Variants in PTCHD4 observed in about 807,000 individuals in gnomAD.
PTCHD4 encodes the protein patched domain-containing protein 4.
PTCHD4 carries 33 observed loss-of-function variants against 58.1 expected under a neutral mutation model. The ratio of observed to expected loss-of-function variants is 0.57; its 90% confidence interval spans 0.43 to 0.76. PTCHD4 has a LOEUF of 0.76. PTCHD4 is among the 30% of genes least tolerant of loss of function. PTCHD4 has a pLI of 0.00. For missense variants in PTCHD4, 1,058 were observed against 1,027.1 expected, an observed-to-expected ratio of 1.03 and a Z score of -0.41; for synonymous variants, 478 against 409.6, an observed-to-expected ratio of 1.17 and a Z score of -2.02.
At position 47,878,527 on chromosome 6, in the gene PTCHD4, G is replaced by A. The variant is rs1315066263; in HGVS notation, c.2308C>T (p.Leu770Phe). ...GTCAGGTTCGAAGGCACAAATAGAA[G>A]GGGGACTAACCCAATAAGAAAAGAA... ...VTSFLIGLVP[L>F]LFVPSNLTFT... The change falls in exon 5 of 5, where the codon CTT (leucine) becomes TTT (phenylalanine). Residue 770 changes from leucine to phenylalanine, a missense_variant. Coordinates refer to ENST00000339488, the MANE Select transcript of PTCHD4 (RefSeq NM_001384253.1). 2 of 1,613,502 alleles carry A rather than the reference G, an allele frequency of 1.2e-6. No homozygotes were observed. The highest frequency in any genetic ancestry group is 1.1e-5 in the South Asian group (1 of 91,072).
intron 4 of PTCHD4, among the ~76,000 whole-genome samples, chr6:47,907,387 C>T (rs565170386): frequency 1.3e-4 from 20 of 152,244 alleles, no homozygotes; most frequent in African/African-American, 4.6e-4. Flanking sequence ...TCATTTCATT[C>T]TCTGTCTCCC....
chr6:48,006,828 C>T (rs994845977), intron 4 of PTCHD4, among the ~76,000 whole-genome samples: 16 of 152,298 alleles, frequency 1.1e-4, no homozygotes, highest in Admixed American at 5.2e-4. Context: ...CTGATATTTA[C>T]TTAGCATTTA....
intron 3 of PTCHD4, among the ~76,000 whole-genome samples, chr6:48,025,312 G>A (rs1443472600): frequency 2.0e-5 from 3 of 152,068 alleles, no homozygotes; most frequent in Non-Finnish European, 4.4e-5. Context: ...TACAATAAAA[G>A]GTACACAGAG....
rs528776718 is a variant in PTCHD4 at position 47,878,770 on chromosome 6, C to T, written c.2065G>A (p.Val689Ile). 27 of 1,613,492 alleles carry T rather than the reference C, an allele frequency of 1.7e-5. No homozygotes were observed. The highest frequency in any genetic ancestry group is 1.3e-4 in the East Asian group (6 of 44,836). Residue 689 changes from valine to isoleucine, a missense_variant, in exon 5 of 5, where the codon GTC becomes ATC. Transcript: ENST00000339488. ...PLGNFWLILS[V>I]TSIELGVLGL... is the part of the protein sequence containing the mutation. ...AGAACGCCCAGCTCAATTGAGGTGA[C>T]GCTAAGAATTAGCCAGAAGTTTCCC... is the stretch of plus-strand genomic sequence containing the variant.
chr6:47,948,467 C>T (rs906819890), intron 4 of PTCHD4, among the ~76,000 whole-genome samples: 11 of 152,106 alleles, frequency 7.2e-5, no homozygotes, highest in African/African-American at 2.4e-4. Context: ...ATCAGAAGTT[C>T]GGAATTGTGA....
chr6:48,097,429 T>C (rs1045666468), intron 1 of PTCHD4, among the ~76,000 whole-genome samples: 10 of 142,690 alleles, frequency 7.0e-5, no homozygotes, highest in Admixed American at 3.5e-4. Context: ...GTGTAGATCA[T>C]ACCACAGATA....
At chr6:47,935,973 G>A (rs1414529457) in intron 4 of PTCHD4, among the ~76,000 whole-genome samples, 1 of 152,168 alleles carries the variant, frequency 6.6e-6, no homozygotes, top group Non-Finnish European at 1.5e-5. Context: ...TTAAGCAGAC[G>A]AGAGAATGTC....
chr6:47,892,609 G>A (rs2114128735), intron 4 of PTCHD4, among the ~76,000 whole-genome samples: 2 of 152,280 alleles, frequency 1.3e-5, no homozygotes, highest in East Asian at 3.9e-4. Flanking sequence ...GCTGGAGAAT[G>A]TTTTTAAAAT....
chr6:47,894,201 G>GA (rs1764462270), intron 4 of PTCHD4, among the ~76,000 whole-genome samples: 2 of 152,176 alleles, frequency 1.3e-5, no homozygotes, highest in Admixed American at 6.5e-5. Flanking sequence ...CTTTCAAATG[G>GA]AAAAGGCCCT....
At chr6:48,076,659 A>G (rs2113889276) in intron 1 of PTCHD4, among the ~76,000 whole-genome samples, 1 of 152,358 alleles carries the variant, frequency 6.6e-6, no homozygotes, top group South Asian at 2.1e-4. Context: ...TCAATGTGAT[A>G]AAAGAAAAAC....
rs538641779 is a variant in PTCHD4, at chr6:47,906,346, C to A, written c.899-26410G>T. The stretch of plus-strand genomic sequence containing the variant: ...TCCTGCTGCTAGAGAGAGAGTCCAC[C>A]AAGCCTCAGTCTTTTCCTTGCCCTC... On this transcript the variant is annotated intron_variant, in intron 4 of 4. Coordinates refer to ENST00000339488, the MANE Select transcript of PTCHD4 (RefSeq NM_001384253.1). Among the ~76,000 whole-genome samples the A allele has an allele frequency of 1.1e-4, 17 of 152,308 alleles. No individual in the cohort carries two copies. The South Asian group carries it at 3.5e-3, about 32-fold the overall frequency.
intron 4 of PTCHD4, among the ~76,000 whole-genome samples, chr6:47,969,238 T>C (rs545795374): frequency 7.3e-4 from 111 of 152,320 alleles, no homozygotes; most frequent in African/African-American, 2.5e-3. Context: ...TAGGAGCCTG[T>C]TTTATTTTCA....
At chr6:47,966,542 A>AT (rs966374571) in intron 4 of PTCHD4, among the ~76,000 whole-genome samples, 18 of 152,264 alleles carry the variant, frequency 1.2e-4, no homozygotes, top group Admixed American at 9.8e-4. Context: ...TCCATGAAAG[A>AT]TTTTTTTGTA....
intron 4 of PTCHD4, among the ~76,000 whole-genome samples, chr6:47,916,171 A>T (rs898791428): frequency 2.6e-5 from 4 of 152,094 alleles, no homozygotes; most frequent in African/African-American, 9.7e-5. Flanking sequence ...GCTCAAGATA[A>T]GAGGATGCTG....
At position 47,871,613 on chromosome 6, in the gene PTCHD4, T is replaced by TTTGCC. The variant is rs1173371710; in HGVS notation, c.*6685_*6689dup. ...GCATATAGGAGTGCTCATTTTACAT[T>TTTGCC]TTGCCTTGTCTAATTTGATAAAGTG... On this transcript the variant is annotated 3_prime_UTR_variant, in exon 5 of 5. Transcript: ENST00000339488. 2.0e-5 allele frequency among the ~76,000 whole-genome samples: 3 copies of TTTGCC among 151,638 alleles called. No homozygotes were observed. The highest frequency in any genetic ancestry group is 4.4e-5 in the Non-Finnish European group (3 of 67,716).
At chr6:48,000,791 T>C (rs1376837456) in intron 4 of PTCHD4, among the ~76,000 whole-genome samples, 1 of 152,212 alleles carries the variant, frequency 6.6e-6, no homozygotes, top group African/African-American at 2.4e-5. Context: ...TCTAGTCCCT[T>C]TCCTACTCAG....
chr6:47,978,083 C>A (rs1767761021), intron 4 of PTCHD4, among the ~76,000 whole-genome samples: 1 of 151,818 alleles, frequency 6.6e-6, no homozygotes, highest in Non-Finnish European at 1.5e-5. Flanking sequence ...TTACTGCTTC[C>A]CTACTCCTCT....
intron 4 of PTCHD4, among the ~76,000 whole-genome samples, chr6:47,894,461 A>G (rs764711863): frequency 6.6e-5 from 10 of 152,218 alleles, no homozygotes; most frequent in Non-Finnish European, 1.2e-4. Flanking sequence ...ATAACCTTCA[A>G]CAAGAAACTG....
chr6:48,096,034 G>C (rs1464953335), intron 1 of PTCHD4, among the ~76,000 whole-genome samples: 1 of 152,130 alleles, frequency 6.6e-6, no homozygotes, highest in East Asian at 1.9e-4. Flanking sequence ...ATGATGAATA[G>C]GATATGGTCT....
Sources: gnomAD v4.1 joint callset for allele counts (sites outside exome capture counted in the v4.1 genomes callset) on GRCh38, gnomAD v4.1.1 for gene constraint, MANE v1.5 for transcripts, NCBI Gene and HGNC (gene_info 2026-07-23, HGNC 2026-07-21) for gene names.